FAM216A: variants seen among roughly 807,000 people sequenced by gnomAD.
FAM216A encodes the protein protein FAM216A.
In FAM216A, 26 loss-of-function variants were observed where a neutral mutation model predicts 37.6. The observed-to-expected ratio is 0.69, with a 90% CI of 0.51 to 0.96. FAM216A has a LOEUF of 0.96. Among genes scored for constraint, FAM216A ranks in the 40% least tolerant of loss-of-function variants. FAM216A has a pLI of 0.00. For synonymous variants in FAM216A, 110 were observed against 121.7 expected, an observed-to-expected ratio of 0.90 and a Z score of 0.64; for missense variants, 326 against 339.3, an observed-to-expected ratio of 0.96 and a Z score of 0.31.
In FAM216A at chr12:110,486,431, T is replaced by A. The variant is rs2062777050; in HGVS notation, c.413T>A (p.Leu138His). 1.2e-6 allele frequency: 2 copies of A among 1,613,162 alleles called. No homozygotes were observed. The highest frequency in any genetic ancestry group is 2.7e-5 in the African/African-American group (2 of 74,912). ...MLMKRQYMHVLQHSSQKPGVL... is the reference protein window; with the variant it reads ...MLMKRQYMHVHQHSSQKPGVL... Reference sequence around the variant, plus strand: ...ATGAAGAGGCAGTACATGCACGTACTTCAGCACAGCTCACAAAAGCCAGGC... The same window carrying A: ...ATGAAGAGGCAGTACATGCACGTACATCAGCACAGCTCACAAAAGCCAGGC... The change falls in exon 4 of 7, where the codon CTT (leucine) becomes CAT (histidine). Residue 138 changes from leucine to histidine, a missense_variant. Leu to His is a moderately conservative substitution (Grantham distance 99). Coordinates refer to ENST00000377673, the MANE Select transcript of FAM216A (RefSeq NM_013300.3).
chr12:110,488,226 A>G (rs752919497), intron 6 of FAM216A, among the ~76,000 whole-genome samples: 1 of 152,120 alleles, frequency 6.6e-6, no homozygotes, highest in Non-Finnish European at 1.5e-5. Flanking sequence ...CCTGGCCAAC[A>G]TGGCGAAACT....
intron 1 of FAM216A, chr12:110,469,289 T>G (rs1401663928): frequency 2.6e-6 from 1 of 381,476 alleles, no homozygotes; most frequent in Non-Finnish European, 4.7e-6. Context: ...GTCGCCCGCG[T>G]GCATCTCTCT....
At position 110,473,058 on chromosome 12, in the gene FAM216A, A is replaced by C; in HGVS notation, c.144-20A>C. ...ATTGTAATTATTACATATTATTTAT[A>C]TGCTTTATTTTTTCAACAGATCAGC... is the stretch of plus-strand genomic sequence containing the variant. On this transcript the variant is annotated intron_variant, in intron 1 of 6. Coordinates refer to ENST00000377673, the MANE Select transcript of FAM216A (RefSeq NM_013300.3). 7.3e-7 allele frequency: 1 copy of C among 1,370,112 alleles called. No homozygotes were observed. The highest frequency in any genetic ancestry group is 1.0e-6 in the Non-Finnish European group (1 of 988,892). 84.9% of individuals were successfully genotyped at this position (1,370,112 alleles called of 1,614,324 possible).
At chr12:110,483,842 A>G (rs2062761523) in intron 2 of FAM216A, among the ~76,000 whole-genome samples, 1 of 152,126 alleles carries the variant, frequency 6.6e-6, no homozygotes, top group African/African-American at 2.4e-5. Flanking sequence ...CAACAACAAA[A>G]AATGAAATAA....
chr12:110,468,899 C>G lies in FAM216A; in HGVS notation c.24C>G (p.His8Gln). The G allele has an allele frequency of 6.6e-7, 1 of 1,518,552 alleles. No individual in the cohort carries two copies. The highest frequency in any genetic ancestry group is 2.5e-5 in the East Asian group (1 of 40,432). The allele number at this position is 1,518,552 out of a possible 1,614,324, so 94.1% of individuals were successfully genotyped here. Residue 8 changes from histidine (H) to glutamine (Q), a missense_variant, in exon 1 of 7, where the codon CAC becomes CAG. Transcript: ENST00000377673. MLGQLLP[H>Q]TARGLGAAEM... ...GGATGCTGGGACAGCTGCTCCCGCA[C>G]ACGGCTCGCGGTCTCGGCGCCGCGG...
intron 1 of FAM216A, among the ~76,000 whole-genome samples, chr12:110,469,837 G>C (rs2062671580): frequency 6.6e-6 from 1 of 152,054 alleles, no homozygotes. Context: ...TCGCCAATGA[G>C]ACCAATGACT....
intron 2 of FAM216A, among the ~76,000 whole-genome samples, 170 bp downstream of exon 2, chr12:110,473,288 T>C (rs1385887294): frequency 6.6e-6 from 1 of 152,054 alleles, no homozygotes; most frequent in African/African-American, 2.4e-5. Context: ...CTGGGCTCAC[T>C]GCAACCTCTG....
At chr12:110,480,193 ATTTTTTTTTTTTTT>A (rs71083126) in intron 2 of FAM216A, among the ~76,000 whole-genome samples, 24 of 30,872 alleles carry the variant, frequency 7.8e-4, no homozygotes, top group Middle Eastern at 0.025. Flanking sequence ...CGCCTAGCTA[ATTTTTTTTTTTTTT>A]TTTTTTTTTT....
intron 2 of FAM216A, among the ~76,000 whole-genome samples, chr12:110,476,017 C>T (rs1273563775): frequency 1.3e-5 from 2 of 151,774 alleles, no homozygotes; most frequent in South Asian, 2.1e-4. Flanking sequence ...GGATTACAGG[C>T]GTGAGCCACC....
chr12:110,482,437 AACT>A (rs1319968110), intron 2 of FAM216A, among the ~76,000 whole-genome samples: 7 of 152,156 alleles, frequency 4.6e-5, no homozygotes, highest in African/African-American at 1.7e-4. Context: ...AAAAAGTGGA[AACT>A]ACCCAAATGT....
At position 110,490,081 on chromosome 12, in the gene FAM216A, A is replaced by T. The variant is rs772701497; in HGVS notation, c.766A>T (p.Asn256Tyr). The part of the protein sequence containing the change: ...EEKKEEDLLN[N>Y]FMQSMSIEEQ... Reference sequence around the variant, plus strand: ...AAAAAAGGAAGAAGATTTACTAAATAATTTTATGCAATCAATGTCAATTGA... The same window carrying T: ...AAAAAAGGAAGAAGATTTACTAAATTATTTTATGCAATCAATGTCAATTGA... The change falls in exon 7 of 7, where the codon AAT (asparagine) becomes TAT (tyrosine). Residue 256 changes from asparagine (N) to tyrosine (Y), a missense_variant. By Grantham distance (143) the Asn-to-Tyr change is moderately radical. Transcript: ENST00000377673. 1.7e-5 allele frequency: 26 copies of T among 1,572,244 alleles called. No individual in the cohort carries two copies. The Middle Eastern group carries it at 5.0e-4, about 30-fold the overall frequency.
chr12:110,474,476 G>T (rs537086305), intron 2 of FAM216A, among the ~76,000 whole-genome samples: 1 of 151,968 alleles, frequency 6.6e-6, no homozygotes, highest in East Asian at 1.9e-4. Flanking sequence ...GATCACCTGA[G>T]GTCAGGAGTT....
rs2062660682 is a variant in FAM216A at position 110,469,018 on chromosome 12, G to C, written c.143G>C (p.Gly48Ala). 6.8e-7 allele frequency: 1 copy of C among 1,469,804 alleles called. No individual in the cohort carries two copies. The highest frequency in any genetic ancestry group is 9.0e-7 in the Non-Finnish European group (1 of 1,112,284). 91.0% of individuals were successfully genotyped at this position (1,469,804 alleles called of 1,614,324 possible). Residue 48 changes from glycine to alanine, a missense_variant and splice_region_variant, in exon 1 of 7, where the codon GGA becomes GCA. Gly to Ala is a moderately conservative substitution (Grantham distance 60). Transcript: ENST00000377673. Reference sequence around the variant, plus strand: ...GCCGGGACCGAGGGTGGCGGCGGCGGGTGAGGTTGGGGGCCCCGGGGTAAG... The same window carrying C: ...GCCGGGACCGAGGGTGGCGGCGGCGCGTGAGGTTGGGGGCCCCGGGGTAAG... ...AVAGTEGGGG[G>A]SAGYSCYQNS...
chr12:110,473,274 C>T (rs1183037620), intron 2 of FAM216A, among the ~76,000 whole-genome samples, 156 bp downstream of exon 2: 5 of 151,654 alleles, frequency 3.3e-5, no homozygotes, highest in South Asian at 2.1e-4. Flanking sequence ...TGCAGTAGTG[C>T]GATCTGGGCT....
intron 6 of FAM216A, among the ~76,000 whole-genome samples, chr12:110,488,823 CAAT>C (rs2062792102): frequency 6.6e-6 from 1 of 152,018 alleles, no homozygotes; most frequent in Non-Finnish European, 1.5e-5. Flanking sequence ...AGATTAACAA[CAAT>C]AAATAATAGA....
chr12:110,469,230 G>A, intron 1 of FAM216A: 1 of 516,062 alleles, frequency 1.9e-6, no homozygotes, highest in Non-Finnish European at 3.1e-6. Flanking sequence ...GTCTCTGAGG[G>A]AAGCTTCGGA....
chr12:110,477,708 TGC>T (rs2062722501), intron 2 of FAM216A, among the ~76,000 whole-genome samples: 2 of 150,934 alleles, frequency 1.3e-5, no homozygotes, highest in Non-Finnish European at 3.0e-5. Context: ...TAGAAATATG[TGC>T]TTTTTCTTTT....
Position 110,485,129 on chromosome 12 carries a change from A to G in FAM216A, c.236A>G (p.Glu79Gly). 2.5e-6 allele frequency: 4 copies of G among 1,612,942 alleles called. No homozygotes were observed. Among genetic ancestry groups the G allele is most frequent in the Non-Finnish European group, 3.4e-6 (4 of 1,179,550 alleles). Residue 79 changes from glutamate to glycine, a missense_variant, in exon 3 of 7, where the codon GAG becomes GGG. Coordinates refer to ENST00000377673, the MANE Select transcript of FAM216A (RefSeq NM_013300.3). ...KVNSHIAKLQ[E>G]LWKTPQNQTI... is the part of the protein sequence containing the mutation. Reference sequence around the variant, plus strand: ...AACTCACACATAGCTAAGCTGCAAGAGTTATGGAAAACTCCCCAAAATCAA... The same window carrying G: ...AACTCACACATAGCTAAGCTGCAAGGGTTATGGAAAACTCCCCAAAATCAA...
intron 2 of FAM216A, among the ~76,000 whole-genome samples, chr12:110,478,622 A>G (rs745543298): frequency 3.9e-5 from 6 of 152,112 alleles, no homozygotes; most frequent in Non-Finnish European, 8.8e-5. Context: ...CATGTCAAGG[A>G]AATAGGGACT....
Sources: gnomAD v4.1 joint callset for allele counts (sites outside exome capture counted in the v4.1 genomes callset) on GRCh38, gnomAD v4.1.1 for gene constraint, MANE v1.5 for transcripts, NCBI Gene and HGNC (gene_info 2026-07-23, HGNC 2026-07-21) for gene names.